MATR3: variants seen among roughly 807,000 people sequenced by gnomAD.
MATR3 encodes the protein matrin-3.
A neutral mutation model predicts 85.5 loss-of-function variants in MATR3; 4 were observed. That is an observed-to-expected ratio of 0.05 (90% CI 0.02 to 0.11). The LOEUF (loss-of-function observed/expected upper bound fraction) is 0.11. Ranked by LOEUF, MATR3 falls within the 10% of genes least tolerant of loss-of-function variation. The pLI is 1.00. For synonymous variants in MATR3, 336 were observed against 343.1 expected (o/e 0.98, Z 0.23); for missense variants, 685 against 1,016.1 (o/e 0.67, Z 4.43).
intron 14 of MATR3, among the ~76,000 whole-genome samples, chr5:139,326,832 T>C (rs1423602366): frequency 1.3e-5 from 2 of 152,232 alleles, no homozygotes; most frequent in Non-Finnish European, 2.9e-5. Flanking sequence ...ATAAATTCTG[T>C]GGTAGAATTA....
At chr5:139,323,617 G>A (rs143679301) in intron 12 of MATR3, among the ~76,000 whole-genome samples, 221 of 152,314 alleles carry the variant, frequency 1.5e-3, no homozygotes, top group Non-Finnish European at 2.8e-3. Flanking sequence ...CTCATAAAAT[G>A]TCGGAGTCAG....
intron 1 of MATR3, among the ~76,000 whole-genome samples, chr5:139,300,492 C>T (rs1041069841): frequency 3.3e-5 from 5 of 152,132 alleles, no homozygotes; most frequent in Non-Finnish European, 5.9e-5. Context: ...GCTCTTTATT[C>T]ATTTGTCTTT....
intron 9 of MATR3, among the ~76,000 whole-genome samples, chr5:139,320,376 C>A (rs1755494863): frequency 2.0e-5 from 3 of 152,134 alleles, no homozygotes; most frequent in Admixed American, 2.0e-4. Flanking sequence ...CATTGGGAGG[C>A]TGAGGCCAGA....
At chr5:139,318,353 C>T (rs953241352) in intron 7 of MATR3, among the ~76,000 whole-genome samples, 9 of 151,582 alleles carry the variant, frequency 5.9e-5, no homozygotes, top group Non-Finnish European at 1.0e-4. Context: ...AGGCTGGTCT[C>T]GAAGTCCTGA....
intron 14 of MATR3, among the ~76,000 whole-genome samples, chr5:139,327,575 C>G (rs1447737456): frequency 6.6e-6 from 1 of 152,084 alleles, no homozygotes; most frequent in Admixed American, 6.6e-5. Flanking sequence ...GCATGCGCCA[C>G]CATGCCCAGC....
At chr5:139,318,262 T>C (rs745574335) in intron 7 of MATR3, among the ~76,000 whole-genome samples, 5 of 151,884 alleles carry the variant, frequency 3.3e-5, no homozygotes, top group Non-Finnish European at 7.4e-5. Context: ...GCCTCCCAAG[T>C]AGCTGGGATT....
In MATR3 at chr5:139,329,979, T is replaced by G. The variant is rs1175767078; in HGVS notation, c.*584T>G. On this transcript the variant is annotated 3_prime_UTR_variant, in exon 15 of 15. Transcript: ENST00000394805. ...ATAAGAAATATTAAGTAATTGGCTTTAGATTTTGTAATTTTTTTCCCTGAG... is the reference window on the plus strand; with the variant it reads ...ATAAGAAATATTAAGTAATTGGCTTGAGATTTTGTAATTTTTTTCCCTGAG... 2.2e-6 allele frequency: 1 copy of G among 453,134 alleles called. No homozygotes were observed. The highest frequency in any genetic ancestry group is 1.6e-5 in the South Asian group (1 of 64,260). The allele number at this position is 453,134 out of a possible 1,614,324, so 28.1% of individuals were successfully genotyped here.
intron 1 of MATR3, among the ~76,000 whole-genome samples, chr5:139,304,163 TTTG>T (rs1440915563): frequency 1.3e-5 from 2 of 152,106 alleles, no homozygotes; most frequent in Non-Finnish European, 2.9e-5. Flanking sequence ...TAAGTTACAG[TTTG>T]TTTTGAGTTG....
At chr5:139,297,742 T>A (rs1414497958) in intron 1 of MATR3, among the ~76,000 whole-genome samples, 2 of 152,180 alleles carry the variant, frequency 1.3e-5, no homozygotes, top group African/African-American at 4.8e-5. Context: ...TAGATAAAGC[T>A]CAAGGCTCTT....
chr5:139,294,067 G>A (rs966867987), intron 1 of MATR3: 34 of 1,258,510 alleles, frequency 2.7e-5, no homozygotes, highest in Non-Finnish European at 3.2e-5. Context: ...CCGGCCAAGG[G>A]CCCAGGGTGC....
intron 9 of MATR3, among the ~76,000 whole-genome samples, chr5:139,320,619 T>G (rs1420945996): frequency 6.6e-6 from 1 of 152,124 alleles, no homozygotes; most frequent in Non-Finnish European, 1.5e-5. Context: ...GAAATAAGGA[T>G]GAGGAGAACA....
At chr5:139,311,988 C>G (rs1268397523) in intron 2 of MATR3, 1 of 151,878 alleles carries the variant, frequency 6.6e-6, no homozygotes, top group Non-Finnish European at 1.5e-5. Flanking sequence ...AGGCTGGTCT[C>G]TAACTCCTGG....
At position 139,317,696 on chromosome 5, in the gene MATR3, A is replaced by T. The variant is rs751929498; in HGVS notation, c.1283A>T (p.His428Leu). 6.2e-7 allele frequency: 1 copy of T among 1,605,582 alleles called. No homozygotes were observed. The highest frequency in any genetic ancestry group is 8.5e-7 in the Non-Finnish European group (1 of 1,174,502). ...LVEPFGVISNHLILNKINEAF... is the reference protein window; with the variant it reads ...LVEPFGVISNLLILNKINEAF... ...GAACCATTTGGAGTCATTTCAAATC[A>T]TCTGATTCTAAATAAAATTAATGAG... is the stretch of plus-strand genomic sequence containing the variant. The change falls in exon 7 of 15, where the codon CAT becomes CTT. Residue 428 changes from histidine (H) to leucine (L), a missense_variant. His to Leu is a moderately conservative substitution (Grantham distance 99). Coordinates refer to ENST00000394805, the MANE Select transcript of MATR3 (RefSeq NM_018834.6).
chr5:139,293,738 G>T (rs1236874494), upstream of MATR3: 4 of 371,128 alleles, frequency 1.1e-5, no homozygotes, highest in African/African-American at 2.1e-5. Flanking sequence ...GCGGGGGATT[G>T]TGGGAGTCTC....
chr5:139,306,607 CTT>C, intron 1 of MATR3, among the ~76,000 whole-genome samples: 1 of 152,270 alleles, frequency 6.6e-6, no homozygotes, highest in East Asian at 1.9e-4. Flanking sequence ...AGTTGTATAA[CTT>C]AAATTTGGGC....
intron 3 of MATR3, among the ~76,000 whole-genome samples, chr5:139,281,937 G>T (rs1455555291): frequency 6.6e-6 from 1 of 152,192 alleles, no homozygotes; most frequent in Non-Finnish European, 1.5e-5. Context: ...ACCTGTCCAT[G>T]ATTTCACTTG....
chr5:139,293,558 AAAG>A (rs1369464566), upstream of MATR3: 16 of 164,542 alleles, frequency 9.7e-5, no homozygotes, highest in East Asian at 2.5e-3. Flanking sequence ...CTCCGGGATT[AAAG>A]AACAACGACC....
In MATR3 at chr5:139,293,747, TC is replaced by T. The variant is rs1753973075; in HGVS notation, c.-234del. On this transcript the variant is annotated 5_prime_UTR_variant, in exon 1 of 15. Coordinates refer to ENST00000394805, the MANE Select transcript of MATR3 (RefSeq NM_018834.6). ...GTTGCTGCGGGGGATTGTGGGAGTC[TC>T]CGCGTCCCGCTCGCTGGGAGAGAGG... The T allele has an allele frequency of 2.7e-6, 1 of 376,250 alleles. No homozygotes were observed. 23.3% of individuals were successfully genotyped at this position (376,250 alleles called of 1,614,324 possible).
At chr5:139,294,133 T>C in intron 1 of MATR3, 1 of 1,113,738 alleles carries the variant, frequency 9.0e-7, no homozygotes, top group South Asian at 3.3e-5. Context: ...CTGCGCGTCC[T>C]GGGCTCGTTG....
Sources: gnomAD v4.1 joint callset for allele counts (sites outside exome capture counted in the v4.1 genomes callset) on GRCh38, gnomAD v4.1.1 for gene constraint, MANE v1.5 for transcripts, NCBI Gene and HGNC (gene_info 2026-07-23, HGNC 2026-07-21) for gene names.